RPAIN: variants seen among roughly 807,000 people sequenced by gnomAD.
The protein encoded by RPAIN is RPA interacting protein.
A neutral mutation model predicts 30.5 loss-of-function variants in RPAIN; 29 were observed. The observed-to-expected ratio is 0.95, with a 90% CI of 0.71 to 1.30. RPAIN has a LOEUF of 1.30. Ranked by LOEUF, RPAIN falls within the 50% of genes most tolerant of loss-of-function variation. The pLI, the probability that RPAIN is intolerant of heterozygous loss-of-function variation, is 0.00. For missense variants in RPAIN, 247 were observed against 264.7 expected (o/e 0.93, Z 0.46); for synonymous variants, 101 against 93.5 (o/e 1.08, Z -0.46).
chr17:5,430,871 T>C (rs1041161621), intron 6 of RPAIN: 1 of 155,898 alleles, frequency 6.4e-6, no homozygotes, highest in Non-Finnish European at 1.4e-5. Flanking sequence ...CTACAGCTCC[T>C]TGAGTATGAA....
intron 1 of RPAIN, 76 bp from the exon 2 acceptor site, chr17:5,421,220 C>T: frequency 2.8e-6 from 4 of 1,420,818 alleles, no homozygotes; most frequent in Non-Finnish European, 2.9e-6. Flanking sequence ...TTAATGTTTT[C>T]TCAACTAATG....
intron 1 of RPAIN, among the ~76,000 whole-genome samples, chr17:5,420,730 CG>C (rs1251433071): frequency 5.3e-5 from 8 of 152,094 alleles, no homozygotes; most frequent in African/African-American, 1.9e-4. Flanking sequence ...GAAAGTAACC[CG>C]ACGCAAGAAA....
intron 3 of RPAIN, chr17:5,425,423 C>A: frequency 2.3e-6 from 1 of 440,516 alleles, no homozygotes; most frequent in South Asian, 1.7e-5. Flanking sequence ...GCAACCTCCG[C>A]CTCCTGGGTT....
chr17:5,427,725 G>T, intron 5 of RPAIN: 1 of 272,908 alleles, frequency 3.7e-6, no homozygotes, highest in East Asian at 8.1e-5. Context: ...AAGCAGACCC[G>T]GGAGCATATA....
Position 5,432,677 on chromosome 17 carries a change from C to G in RPAIN, c.*106C>G. The G allele has an allele frequency of 8.6e-7, 1 of 1,163,310 alleles. No individual in the cohort carries two copies. Among genetic ancestry groups the G allele is most frequent in the Non-Finnish European group, 1.3e-6 (1 of 797,646 alleles). The allele number at this position is 1,163,310 out of a possible 1,614,324, so 72.1% of individuals were successfully genotyped here. A position where few individuals can be genotyped will look rare whatever the true frequency, so the allele number is the denominator to read the frequency against. On this transcript the variant is annotated 3_prime_UTR_variant, in exon 7 of 7. Coordinates refer to ENST00000381209, the MANE Select transcript of RPAIN (RefSeq NM_001033002.4). ...ATTTATAACTTATTTTGTATTGAAA[C>G]TTTTAAACAATACTGAAGAAAAAAA...
At chr17:5,432,351 G>A (rs1916058269) in intron 6 of RPAIN, 191 bp from the exon 7 acceptor site, 2 of 560,454 alleles carry the variant, frequency 3.6e-6, no homozygotes, top group Non-Finnish European at 6.4e-6. Flanking sequence ...GTTGTTTGAA[G>A]GCTGCAGGAC....
intron 6 of RPAIN, chr17:5,428,517 C>T: frequency 7.3e-7 from 1 of 1,366,508 alleles, no homozygotes; most frequent in Non-Finnish European, 9.5e-7. Context: ...ATTTCATAGT[C>T]ATAAGACCCA....
intron 6 of RPAIN, 57 bp downstream of exon 6, chr17:5,428,268 C>A (rs554293246): frequency 2.5e-6 from 4 of 1,612,950 alleles, no homozygotes; most frequent in Non-Finnish European, 2.5e-6. Flanking sequence ...TGGTTTTATT[C>A]CCACCTTGAT....
intron 3 of RPAIN, 142 bp downstream of exon 3, chr17:5,422,971 C>T (rs1264053104): frequency 3.2e-6 from 2 of 630,270 alleles, no homozygotes; most frequent in Non-Finnish European, 5.5e-6. Context: ...TGTACTCTGA[C>T]ATCTTGGCTG....
At chr17:5,431,498 AAAG>A (rs1349392748) in intron 6 of RPAIN, 17 of 440,250 alleles carry the variant, frequency 3.9e-5, no homozygotes, top group Non-Finnish European at 5.4e-5. Context: ...AAAAAAAAAA[AAAG>A]AGGAGGGGGA....
intron 1 of RPAIN, among the ~76,000 whole-genome samples, chr17:5,420,744 TAGCAGATAC>T (rs1914693304): frequency 6.6e-6 from 1 of 152,182 alleles, no homozygotes; most frequent in Admixed American, 6.5e-5. Flanking sequence ...GCAAGAAAGA[TAGCAGATAC>T]AGCAGAGTTT....
chr17:5,426,557 G>A (rs748880022), intron 5 of RPAIN: 13 of 439,866 alleles, frequency 3.0e-5, no homozygotes, highest in Non-Finnish European at 4.9e-5. Context: ...CTCAGCTTGG[G>A]ATTGGTAACG....
Position 5,425,981 on chromosome 17 carries a change from C to T in RPAIN, c.324C>T (p.Ile108=). Residue 108 remains isoleucine, a synonymous_variant, in exon 4 of 7, where the codon ATC becomes ATT. Coordinates refer to ENST00000381209, the MANE Select transcript of RPAIN (RefSeq NM_001033002.4). ...GCCTTTGCCTTGCAGAGCAGTCCAT[C>T]ATCAGCGAGTATGAGAAGAGCTTGC... ...QQELINQEQS[I]ISEYEKSLQF... is the part of the protein sequence containing the mutation. 2 of 1,613,100 alleles carry T rather than the reference C, an allele frequency of 1.2e-6. No individual in the cohort carries two copies. Among genetic ancestry groups the T allele is most frequent in the South Asian group, 2.2e-5 (2 of 90,860 alleles).
intron 6 of RPAIN, chr17:5,428,546 C>G: frequency 7.8e-7 from 1 of 1,281,178 alleles, no homozygotes. Context: ...ATGCTGGCAC[C>G]ACTTTTGCGG....
At chr17:5,431,652 CGT>C in intron 6 of RPAIN, 1 of 456,486 alleles carries the variant, frequency 2.2e-6, no homozygotes, top group East Asian at 7.0e-5. Context: ...GAGGTCAGGA[CGT>C]AGGGACGCTC....
intron 3 of RPAIN, chr17:5,425,097 G>C: frequency 3.3e-6 from 1 of 300,998 alleles, no homozygotes; most frequent in Non-Finnish European, 6.4e-6. Flanking sequence ...AGTTCTAGTG[G>C]AAAAGCAGTT....
At position 5,426,031 on chromosome 17, in the gene RPAIN, T is replaced by C. The variant is rs1230673483; in HGVS notation, c.374T>C (p.Ile125Thr). 1 of 1,613,916 alleles carries C rather than the reference T, an allele frequency of 6.2e-7. No individual in the cohort carries two copies. The highest frequency in any genetic ancestry group is 1.3e-5 in the African/African-American group (1 of 74,940). ...CAGTTTGATGAAAAGTGTCTCAGCA[T>C]CATGCTGGCTGAGTGGGAGGCAAAC... ...SLQFDEKCLS[I>T]MLAEWEANPL... The change falls in exon 4 of 7, where the codon ATC becomes ACC. Residue 125 changes from isoleucine (I) to threonine (T), a missense_variant. Coordinates refer to ENST00000381209, the MANE Select transcript of RPAIN (RefSeq NM_001033002.4).
chr17:5,426,683 C>T (rs1263015502), intron 5 of RPAIN: 1 of 178,732 alleles, frequency 5.6e-6, no homozygotes, highest in East Asian at 1.5e-4. Flanking sequence ...CTCTGTTGCC[C>T]AGGCTGGAGT....
chr17:5,421,165 C>T (rs1914759895), intron 1 of RPAIN, 131 bp from the exon 2 acceptor site: 2 of 802,738 alleles, frequency 2.5e-6, no homozygotes, highest in Non-Finnish European at 1.9e-6. Context: ...GCAAAAGTAA[C>T]ACTAGTTAGT....
Sources: allele counts gnomAD v4.1 joint callset (sites outside exome capture counted in the v4.1 genomes callset), GRCh38; gene constraint gnomAD v4.1.1; transcripts MANE v1.5; gene names NCBI Gene and HGNC (gene_info 2026-07-23, HGNC 2026-07-21).